RTL9: variants seen among roughly 807,000 people sequenced by gnomAD.
RTL9 encodes retrotransposon Gag-like protein 9.
A neutral mutation model predicts 44.7 loss-of-function variants in RTL9; 19 were observed. The observed-to-expected ratio is 0.42, with a 90% CI of 0.30 to 0.62. The LOEUF (loss-of-function observed/expected upper bound fraction) is 0.62. Among genes scored for constraint, RTL9 ranks in the 20% least tolerant of loss-of-function variants. RTL9 has a pLI of 0.16. For missense variants in RTL9, 1,105 were observed against 1,080.6 expected (o/e 1.02, Z -0.32); for synonymous variants, 407 against 398.9 (o/e 1.02, Z -0.24).
exon 1 of RTL9, chrX:110,450,608 T>C (rs778939793): frequency 8.3e-7 from 1 of 1,200,538 alleles, no homozygotes; most frequent in African/African-American, 1.8e-5. Context: ...ATCCTGTGGC[T>C]GTGGCAGATA....
chrX:110,451,085 G>T, exon 1 of RTL9: 1 of 1,212,057 alleles, frequency 8.3e-7, no homozygotes, highest in Non-Finnish European at 1.1e-6. Flanking sequence ...CAACGCTAAT[G>T]GTAGCACCAG....
chrX:110,378,131 G>A (rs984562379), intron 1 of RTL9, among the ~76,000 whole-genome samples: 7 of 109,712 alleles, frequency 6.4e-5, no homozygotes, highest in African/African-American at 2.0e-4. Flanking sequence ...TAAATCTTGC[G>A]TTATTCTGCC....
chrX:110,381,213 T>A (rs1352577146), intron 1 of RTL9, among the ~76,000 whole-genome samples: 3 of 111,963 alleles, frequency 2.7e-5, no homozygotes, highest in South Asian at 3.7e-4. Context: ...CCAGCATCTA[T>A]AAGGAACTTA....
At chrX:110,453,623 C>T (rs2068961165) in exon 1 of RTL9, 2 of 1,210,706 alleles carry the variant, frequency 1.7e-6, no homozygotes, top group Non-Finnish European at 1.1e-6. Flanking sequence ...GATCTATGTC[C>T]TTGTCACAAA....
chrX:110,449,650 A>G (rs758990244), upstream of RTL9, among the ~76,000 whole-genome samples: 14 of 112,571 alleles, frequency 1.2e-4, no homozygotes, highest in South Asian at 2.6e-3. Context: ...TAAGTGACCC[A>G]TGATCTGGGA....
chrX:110,450,815 G>A (rs960700460), exon 1 of RTL9: 1 of 1,211,476 alleles, frequency 8.3e-7, no homozygotes, highest in Non-Finnish European at 1.1e-6. Context: ...CACAGTTGAT[G>A]ACATCTCCAG....
At chrX:110,428,276 T>C (rs757539499) in intron 1 of RTL9, among the ~76,000 whole-genome samples, 3 of 111,824 alleles carry the variant, frequency 2.7e-5, no homozygotes, top group Non-Finnish European at 5.6e-5. Context: ...AATCTAAATG[T>C]AATCTGATCC....
At chrX:110,453,478 T>C in exon 1 of RTL9, 1 of 1,212,144 alleles carries the variant, frequency 8.2e-7, no homozygotes, top group Non-Finnish European at 1.1e-6. Context: ...AAGCCATTAA[T>C]GAGAGCCCCG....
intron 1 of RTL9, among the ~76,000 whole-genome samples, chrX:110,413,264 C>T (rs1206806900): frequency 9.0e-6 from 1 of 111,485 alleles, no homozygotes; most frequent in Non-Finnish European, 1.9e-5. Flanking sequence ...ACCTCCGGGC[C>T]TGGAAGTGCT....
intron 1 of RTL9, among the ~76,000 whole-genome samples, chrX:110,370,500 C>A (rs780945525): frequency 8.9e-6 from 1 of 112,582 alleles, no homozygotes; most frequent in African/African-American, 3.2e-5. Context: ...TGAGCCACTG[C>A]GCCCGGCCTA....
exon 1 of RTL9, chrX:110,451,504 C>T: frequency 8.3e-6 from 10 of 1,212,003 alleles, no homozygotes; most frequent in South Asian, 1.8e-5. Flanking sequence ...GGAATACCTA[C>T]CCCGCTCATG....
intron 1 of RTL9, among the ~76,000 whole-genome samples, chrX:110,385,131 C>T (rs1452639892): frequency 1.8e-5 from 2 of 111,260 alleles, no homozygotes; most frequent in Non-Finnish European, 3.8e-5. Flanking sequence ...AGCTCCACCA[C>T]CAACTAGCTG....
At chrX:110,454,656 A>G (rs774696425) in exon 1 of RTL9, 2 of 1,184,016 alleles carry the variant, frequency 1.7e-6, no homozygotes, top group Non-Finnish European at 2.3e-6. Flanking sequence ...TCAGCAGCAG[A>G]CTGAGGAGGT....
exon 1 of RTL9, chrX:110,452,740 C>T (rs1419199240): frequency 1.7e-6 from 2 of 1,210,450 alleles, no homozygotes. Context: ...ATGCCTGCCT[C>T]ACTAATGAGA....
intron 1 of RTL9, among the ~76,000 whole-genome samples, chrX:110,378,496 G>A (rs751876965): frequency 1.8e-5 from 2 of 111,887 alleles, no homozygotes; most frequent in African/African-American, 6.5e-5. Flanking sequence ...AATGAGTAAC[G>A]TACTAGCTCC....
chrX:110,366,342 A>G (rs2068297136), intron 1 of RTL9, among the ~76,000 whole-genome samples: 1 of 111,871 alleles, frequency 8.9e-6, no homozygotes, highest in African/African-American at 3.3e-5. Flanking sequence ...TAATAGGTCA[A>G]CAGGTAATGT....
exon 1 of RTL9, chrX:110,453,780 G>A: frequency 8.3e-7 from 1 of 1,211,081 alleles, no homozygotes; most frequent in Non-Finnish European, 1.1e-6. Context: ...ATGTGGCATG[G>A]GTATGTCCAT....
At chrX:110,412,585 T>C (rs980869292) in intron 1 of RTL9, among the ~76,000 whole-genome samples, 2 of 111,873 alleles carry the variant, frequency 1.8e-5, no homozygotes, top group African/African-American at 6.5e-5. Context: ...TTGTGAAGAG[T>C]AAATGAGATA....
chrX:110,451,240 T>A, exon 1 of RTL9: 2 of 1,211,686 alleles, frequency 1.7e-6, no homozygotes, highest in Non-Finnish European at 1.1e-6. Context: ...CCAATTCTAA[T>A]GCAAGATATG....
Sources: allele counts gnomAD v4.1 joint callset (sites outside exome capture counted in the v4.1 genomes callset), GRCh38; gene constraint gnomAD v4.1.1; transcripts MANE v1.5; gene names NCBI Gene and HGNC (gene_info 2026-07-23, HGNC 2026-07-21).